Variants in FRK observed in about 807,000 individuals in gnomAD.
The protein encoded by FRK is fyn related Src family tyrosine kinase.
A neutral mutation model predicts 56.4 loss-of-function variants in FRK; 51 were observed. The observed-to-expected ratio is 0.90, with a 90% confidence interval of 0.72 to 1.14. The LOEUF is 1.14. Ranked by LOEUF, FRK falls within the 50% of genes most tolerant of loss-of-function variation. The pLI is 0.00. For synonymous variants in FRK, 245 were observed against 217.9 expected (o/e 1.12, Z -1.10); for missense variants, 570 against 601.4 (o/e 0.95, Z 0.55).
intron 2 of FRK, among the ~76,000 whole-genome samples, chr6:115,994,820 G>A (rs1208373124): frequency 1.3e-5 from 2 of 152,020 alleles, no homozygotes; most frequent in Admixed American, 6.6e-5. Context: ...TCCCATGTGA[G>A]GATACAATAA....
chr6:115,944,529 A>T, intron 5 of FRK, 104 bp from the exon 6 acceptor site: 2 of 793,644 alleles, frequency 2.5e-6, no homozygotes, highest in Non-Finnish European at 4.0e-6. Flanking sequence ...GAGATTAAGT[A>T]CAATGGCACT....
chr6:116,086,058 T>C, the FRK span, among the ~76,000 whole-genome samples: 1 of 151,200 alleles, frequency 6.6e-6, no homozygotes, highest in Non-Finnish European at 1.5e-5. Context: ...CAGGCTGGAG[T>C]GCAGTGGCAT....
rs140512235 is a variant in FRK, at chr6:115,945,524, T to C, written c.959-1099A>G. On this transcript the variant is annotated intron_variant, in intron 5 of 7. Transcript: ENST00000606080. ...CACATGTCACTGACTAATTTCTTCA[T>C]GGAAATTATTACTCAACTGCTACTG... 3.8e-3 allele frequency among the ~76,000 whole-genome samples: 574 copies of C among 152,308 alleles called. 4 individuals carry two copies. Among genetic ancestry groups the C allele is most frequent in the Admixed American group, 6.9e-3 (105 of 15,292 alleles).
intron 4 of FRK, among the ~76,000 whole-genome samples, chr6:115,958,315 C>T (rs1393229277): frequency 6.6e-6 from 1 of 150,954 alleles, no homozygotes; most frequent in Non-Finnish European, 1.5e-5. Flanking sequence ...CCAATGATAG[C>T]AGTAATTATG....
chr6:115,973,425 G>A, intron 2 of FRK, among the ~76,000 whole-genome samples: 1 of 152,116 alleles, frequency 6.6e-6, no homozygotes, highest in East Asian at 1.9e-4. Flanking sequence ...TGGGATTAAG[G>A]GTGGGATAGC....
intron 4 of FRK, among the ~76,000 whole-genome samples, chr6:115,958,771 G>GA (rs1773195178): frequency 1.4e-5 from 1 of 72,120 alleles, no homozygotes. Context: ...AAGAAAGAGG[G>GA]GGGGGAAGGA....
chr6:116,065,581 G>A (rs565996243), upstream of FRK, among the ~76,000 whole-genome samples: 1 of 152,192 alleles, frequency 6.6e-6, no homozygotes, highest in South Asian at 2.1e-4. Flanking sequence ...ATAAATATGG[G>A]TTCTTGTCTA....
At chr6:116,056,187 A>T (rs184102666) in intron 1 of FRK, among the ~76,000 whole-genome samples, 261 of 152,012 alleles carry the variant, frequency 1.7e-3, no homozygotes, top group Non-Finnish European at 3.3e-3. Flanking sequence ...TTAAGCAAAA[A>T]ATTGTTCATT....
At chr6:115,942,740 A>G (rs1772240562) in intron 7 of FRK, 115 bp from the exon 8 acceptor site, 1 of 933,388 alleles carries the variant, frequency 1.1e-6, no homozygotes, top group African/African-American at 1.7e-5. Flanking sequence ...TCTTTGGCAA[A>G]GATTTAAGGT....
At chr6:116,017,567 G>A (rs1775701822) in intron 1 of FRK, among the ~76,000 whole-genome samples, 1 of 152,046 alleles carries the variant, frequency 6.6e-6, no homozygotes, top group South Asian at 2.1e-4. Context: ...TTAATTTGTC[G>A]AGGTTTTTCT....
At chr6:115,951,361 G>C (rs966106174) in intron 5 of FRK, among the ~76,000 whole-genome samples, 1 of 152,182 alleles carries the variant, frequency 6.6e-6, no homozygotes, top group Middle Eastern at 3.4e-3. Context: ...ACTATATGAA[G>C]TAAGTATTGC....
At chr6:116,001,062 ACC>A (rs1319633157) in intron 2 of FRK, among the ~76,000 whole-genome samples, 7 of 151,954 alleles carry the variant, frequency 4.6e-5, no homozygotes, top group Non-Finnish European at 7.4e-5. Context: ...ACACGGTGAA[ACC>A]CCGTCCCTAC....
intron 1 of FRK, among the ~76,000 whole-genome samples, chr6:116,023,075 C>T (rs546914518): frequency 2.2e-4 from 33 of 152,184 alleles, no homozygotes; most frequent in African/African-American, 7.7e-4. Flanking sequence ...CATTAGTCAT[C>T]AAGGAAATGC....
rs902861566 is a variant in FRK, at chr6:116,031,009, G to A, written c.345-27011C>T. On this transcript the variant is annotated intron_variant, in intron 1 of 7. Coordinates refer to ENST00000606080, the MANE Select transcript of FRK (RefSeq NM_002031.3). ...CTTAAATCATTCATTGTTTGGCTCA[G>A]TAACTCAGATTCTTGGACTCTATCC... Among the ~76,000 whole-genome samples the A allele has an allele frequency of 3.3e-5, 5 of 152,230 alleles. No homozygotes were observed. The South Asian group carries it at 6.2e-4, about 19-fold the overall frequency.
At chr6:116,028,808 G>A (rs923312671) in intron 1 of FRK, among the ~76,000 whole-genome samples, 1 of 151,994 alleles carries the variant, frequency 6.6e-6, no homozygotes, top group African/African-American at 2.4e-5. Context: ...AAGGCGGTTG[G>A]GGACTTCCAC....
the FRK span, among the ~76,000 whole-genome samples, chr6:116,074,523 T>C: frequency 1.3e-5 from 2 of 152,166 alleles, no homozygotes; most frequent in Non-Finnish European, 2.9e-5. Context: ...GCAAACACTT[T>C]TAAATTATTT....
At chr6:116,045,076 T>C (rs1776886720) in intron 1 of FRK, among the ~76,000 whole-genome samples, 1 of 152,060 alleles carries the variant, frequency 6.6e-6, no homozygotes, top group African/African-American at 2.4e-5. Context: ...CTCAAGGAAA[T>C]AAGAGAGGAC....
intron 1 of FRK, among the ~76,000 whole-genome samples, chr6:116,030,524 G>A (rs568068433): frequency 1.6e-4 from 25 of 152,138 alleles, no homozygotes; most frequent in Admixed American, 1.3e-3. Flanking sequence ...TCTGAATCAG[G>A]GCTGGTCACC....
intron 2 of FRK, among the ~76,000 whole-genome samples, chr6:115,996,711 T>A (rs1774854264): frequency 6.6e-6 from 1 of 152,184 alleles, no homozygotes; most frequent in Non-Finnish European, 1.5e-5. Flanking sequence ...TACAAAACTC[T>A]ACTGTAAACT....
Sources: allele counts gnomAD v4.1 joint callset (sites outside exome capture counted in the v4.1 genomes callset), GRCh38; gene constraint gnomAD v4.1.1; transcripts MANE v1.5; gene names NCBI Gene and HGNC (gene_info 2026-07-23, HGNC 2026-07-21).